Variants in GLDC observed in about 807,000 individuals in gnomAD.
The protein encoded by GLDC is glycine dehydrogenase (decarboxylating), mitochondrial.
GLDC carries 104 observed loss-of-function variants against 121.3 expected under a neutral mutation model. The observed-to-expected ratio is 0.86, with a 90% CI of 0.73 to 1.01. The LOEUF is 1.01. GLDC is among the 50% of genes least tolerant of loss of function. The probability of loss-of-function intolerance (pLI) is 0.00; values close to 1 mark genes in which losing one functional copy is unlikely to be tolerated. For missense variants in GLDC, 1,429 were observed against 1,306.6 expected (o/e 1.09, Z -1.44); for synonymous variants, 546 against 480.6 (o/e 1.14, Z -1.78).
intron 15 of GLDC, among the ~76,000 whole-genome samples, chr9:6,583,826 G>A (rs1294668955): frequency 6.6e-6 from 1 of 152,190 alleles, no homozygotes; most frequent in African/African-American, 2.4e-5. Context: ...AATTCATGGA[G>A]CCAGAAAGTA....
rs529779293 is a variant in GLDC, at chr9:6,638,777, A to G, written c.334+5837T>C. 2.0e-5 allele frequency among the ~76,000 whole-genome samples: 3 copies of G among 152,196 alleles called. No individual in the cohort carries two copies. In the South Asian group the frequency reaches 6.2e-4, roughly 32 times the overall value. On this transcript the variant is annotated intron_variant, in intron 2 of 24. Transcript: ENST00000321612. ...TATAATCCCAGCACTTTGGGAGGCC[A>G]AGGCAGGCAGATCACGAGGTCAGGA...
intron 11 of GLDC, among the ~76,000 whole-genome samples, chr9:6,589,706 C>T (rs1304011620): frequency 6.6e-6 from 1 of 152,152 alleles, no homozygotes; most frequent in African/African-American, 2.4e-5. Flanking sequence ...GGATTACAGT[C>T]ATGGGCCACT....
intron 2 of GLDC, among the ~76,000 whole-genome samples, chr9:6,624,081 C>T (rs1819181036): frequency 6.6e-6 from 1 of 152,184 alleles, no homozygotes; most frequent in Admixed American, 6.5e-5. Flanking sequence ...TTTTACAATA[C>T]AGTAAGATAA....
intron 2 of GLDC, among the ~76,000 whole-genome samples, chr9:6,629,905 T>G (rs1341295018): frequency 1.6e-5 from 2 of 127,380 alleles, no homozygotes; most frequent in Non-Finnish European, 3.2e-5. Flanking sequence ...AGATAATAGA[T>G]GTGGGAGGGA....
At chr9:6,555,863 C>T (rs1247032890) in intron 18 of GLDC, among the ~76,000 whole-genome samples, 2 of 152,160 alleles carry the variant, frequency 1.3e-5, no homozygotes, top group African/African-American at 4.8e-5. Context: ...TGTGTCACTC[C>T]TCTCCTGCAG....
chr9:6,635,056 AAC>A (rs1354643326), intron 2 of GLDC, among the ~76,000 whole-genome samples: 1 of 152,220 alleles, frequency 6.6e-6, no homozygotes, highest in Admixed American at 6.5e-5. Context: ...TCCCTCAAAT[AAC>A]CACGTATTTC....
At chr9:6,572,408 G>C (rs747473366) in intron 15 of GLDC, among the ~76,000 whole-genome samples, 2 of 152,210 alleles carry the variant, frequency 1.3e-5, no homozygotes, top group African/African-American at 4.8e-5. Flanking sequence ...CATTGGTGCT[G>C]AGTTTAGAGG....
At position 6,573,977 on chromosome 9, in the gene GLDC, G is replaced by C. The variant is rs148491708; in HGVS notation, c.1851-8548C>G. On this transcript the variant is annotated intron_variant, in intron 15 of 24. Coordinates refer to ENST00000321612, the MANE Select transcript of GLDC (RefSeq NM_000170.3). ...GTCTCAAGTACCCTAACGTTAGCCA[G>C]GTCTCTATCTCTATGGATTTAAAAT... Among the ~76,000 whole-genome samples, 231 of 152,284 alleles carry C rather than the reference G, an allele frequency of 1.5e-3. 1 individual carries two copies. Among genetic ancestry groups the C allele is most frequent in the African/African-American group, 5.1e-3 (214 of 41,554 alleles).
rs543138844 is a variant in GLDC, at chr9:6,590,048, C to G, written c.1483-756G>C. On this transcript the variant is annotated intron_variant, in intron 11 of 24. Transcript: ENST00000321612. Reference sequence around the variant, plus strand: ...CCACCCTGGGCGACAGAGCAAGACTCCATCTTAAAAAAAAAAAAGAAAATA... The same window carrying G: ...CCACCCTGGGCGACAGAGCAAGACTGCATCTTAAAAAAAAAAAAGAAAATA... Among the ~76,000 whole-genome samples, 8 of 151,084 alleles carry G rather than the reference C, an allele frequency of 5.3e-5. No individual in the cohort carries two copies. The East Asian group carries it at 9.8e-4, about 18-fold the overall frequency.
chr9:6,543,757 T>C (rs1384483360), intron 21 of GLDC, among the ~76,000 whole-genome samples: 1 of 152,152 alleles, frequency 6.6e-6, no homozygotes, highest in Non-Finnish European at 1.5e-5. Context: ...TAGGGCAATG[T>C]TGGGGCGATA....
At chr9:6,549,269 G>A (rs1008404177) in intron 21 of GLDC, among the ~76,000 whole-genome samples, 1 of 151,746 alleles carries the variant, frequency 6.6e-6, no homozygotes, top group Non-Finnish European at 1.5e-5. Flanking sequence ...AACAAAGCAG[G>A]CGCAGCCTCC....
chr9:6,544,098 A>C (rs977261860), intron 21 of GLDC, among the ~76,000 whole-genome samples: 1 of 152,200 alleles, frequency 6.6e-6, no homozygotes, highest in Non-Finnish European at 1.5e-5. Context: ...GGAATAAATG[A>C]ACTCACTGGG....
intron 19 of GLDC, 32 bp from the exon 20 acceptor site, chr9:6,553,541 T>G (rs199594959): frequency 1.9e-6 from 3 of 1,609,836 alleles, no homozygotes; most frequent in African/African-American, 1.3e-5. Context: ...ATTCAGAAAA[T>G]GTAAACGATT....
intron 15 of GLDC, among the ~76,000 whole-genome samples, chr9:6,582,647 G>T (rs548725450): frequency 6.6e-6 from 1 of 152,130 alleles, no homozygotes; most frequent in African/African-American, 2.4e-5. Flanking sequence ...GGCTAACACG[G>T]TGAAACCCTG....
chr9:6,559,872 C>G (rs940002564), intron 16 of GLDC, among the ~76,000 whole-genome samples: 1 of 152,096 alleles, frequency 6.6e-6, no homozygotes, highest in Non-Finnish European at 1.5e-5. Context: ...GTTCACACAA[C>G]TCACTCACTA....
chr9:6,582,558 G>A (rs1027769743), intron 15 of GLDC, among the ~76,000 whole-genome samples: 4 of 151,246 alleles, frequency 2.6e-5, no homozygotes, highest in African/African-American at 4.9e-5. Context: ...GGCCGGGCGC[G>A]GTGGCTCACG....
Position 6,558,462 on chromosome 9 carries a change from A to T in GLDC, c.2052+97T>A, listed in dbSNP as rs1030332582. The T allele has an allele frequency of 2.9e-6, 4 of 1,378,272 alleles. No homozygotes were observed. In the African/African-American group the frequency reaches 5.7e-5, roughly 20 times the overall value. 85.4% of individuals were successfully genotyped at this position (1,378,272 alleles called of 1,614,324 possible). On this transcript the variant is annotated intron_variant, in intron 17 of 24. Transcript: ENST00000321612. ...GAAGAACTGCAGACTTTTCATTAGA[A>T]TGCAAGAGAAGACATTTACATAATC...
In GLDC at chr9:6,587,143, G is replaced by A. The variant is rs1321884807; in HGVS notation, c.1848C>T (p.Asn616=). ...TGYDQVCFQP[N]SGAQGEYAGL... is the part of the protein sequence containing the mutation. ...AATAAGAAAAGAAATGCCCTTACCT[G>A]TTTGGCTGGAAACAGACCTGGTCAT... Residue 616 remains asparagine (N), a splice_region_variant and synonymous_variant, in exon 15 of 25, where the codon AAC becomes AAT. Coordinates refer to ENST00000321612, the MANE Select transcript of GLDC (RefSeq NM_000170.3). 6.2e-7 allele frequency: 1 copy of A among 1,612,462 alleles called. No homozygotes were observed. The highest frequency in any genetic ancestry group is 1.3e-5 in the African/African-American group (1 of 74,864).
chr9:6,593,031 C>A, intron 9 of GLDC, 41 bp from the exon 10 acceptor site: 2 of 1,608,494 alleles, frequency 1.2e-6, no homozygotes, highest in South Asian at 1.1e-5. Context: ...CATATAGAAA[C>A]CTGCTCCTCA....
Sources: gnomAD v4.1 joint callset for allele counts (sites outside exome capture counted in the v4.1 genomes callset) on GRCh38, gnomAD v4.1.1 for gene constraint, MANE v1.5 for transcripts, NCBI Gene and HGNC (gene_info 2026-07-23, HGNC 2026-07-21) for gene names.